CBFA2T3: variants seen among roughly 807,000 people sequenced by gnomAD.
The protein encoded by CBFA2T3 is CBFA2/RUNX1 partner transcriptional co-repressor 3.
A neutral mutation model predicts 58.6 loss-of-function variants in CBFA2T3; 31 were observed. The observed-to-expected ratio is 0.53, with a 90% CI of 0.40 to 0.71. The LOEUF (loss-of-function observed/expected upper bound fraction) is 0.71. Among genes scored for constraint, CBFA2T3 ranks in the 30% least tolerant of loss-of-function variants. The pLI, the probability that CBFA2T3 is intolerant of heterozygous loss-of-function variation, is 0.00. For missense variants in CBFA2T3, 1,076 were observed against 963.1 expected (o/e 1.12, Z -1.55); for synonymous variants, 531 against 421.9 (o/e 1.26, Z -3.17).
In CBFA2T3 at chr16:88,956,747, G is replaced by A. The variant is rs571104368; in HGVS notation, c.151+19910C>T. Among the ~76,000 whole-genome samples, 4 of 152,342 alleles carry A rather than the reference G, an allele frequency of 2.6e-5. No individual in the cohort carries two copies. The South Asian group carries it at 8.3e-4, about 32-fold the overall frequency. On this transcript the variant is annotated intron_variant, in intron 1 of 11. Transcript: ENST00000268679. The stretch of plus-strand genomic sequence containing the variant: ...AGGCGCTCCAGGCGTGGGCGGCGGG[G>A]GCTGGCATCTGCTCCTCGGCTGCTT...
Position 88,875,107 on chromosome 16 carries a change from GCCA to G in CBFA2T3, c.*1866_*1868del, listed in dbSNP as rs1038208703. The G allele has an allele frequency of 1.3e-5, 3 of 235,602 alleles. No homozygotes were observed. Among genetic ancestry groups the G allele is most frequent in the African/African-American group, 6.7e-5 (3 of 44,860 alleles). 14.6% of individuals were successfully genotyped at this position (235,602 alleles called of 1,614,324 possible). A position where few individuals can be genotyped will look rare whatever the true frequency, so the allele number is the denominator to read the frequency against. On this transcript the variant is annotated 3_prime_UTR_variant, in exon 12 of 12. Transcript: ENST00000268679. The stretch of plus-strand genomic sequence containing the variant: ...CACGCGCACAGATGCCAGGCCACGG[GCCA>G]CGCCACACACACAGATGCCAGGCCA...
At position 88,886,023 on chromosome 16, in the gene CBFA2T3, G is replaced by A; in HGVS notation, c.831C>T (p.Pro277=). The A allele has an allele frequency of 5.1e-6, 8 of 1,568,170 alleles. No individual in the cohort carries two copies. The highest frequency in any genetic ancestry group is 1.2e-5 in the South Asian group (1 of 85,540). ...CCAGTAGCAGCTCTGAGGAGTCGATGGGGGAGGAGGCGCTGGCGTCCAGCA... is the reference window on the plus strand; with the variant it reads ...CCAGTAGCAGCTCTGAGGAGTCGATAGGGGAGGAGGCGCTGGCGTCCAGCA... ...QLLLDASASS[P]IDSSELLLEV... Residue 277 remains proline, a synonymous_variant, in exon 6 of 12, where the codon CCC becomes CCT. Transcript: ENST00000268679.
chr16:88,954,345 C>G (rs142627955), intron 1 of CBFA2T3, among the ~76,000 whole-genome samples: 1 of 146,126 alleles, frequency 6.8e-6, no homozygotes, highest in Non-Finnish European at 1.5e-5. Flanking sequence ...TGACCCCAGC[C>G]AAGGCTCCTG....
At position 88,881,387 on chromosome 16, in the gene CBFA2T3, G is replaced by T; in HGVS notation, c.1306C>A (p.Arg436=). 6.3e-7 allele frequency: 1 copy of T among 1,599,210 alleles called. No homozygotes were observed. The highest frequency in any genetic ancestry group is 8.5e-7 in the Non-Finnish European group (1 of 1,174,582). Residue 436 remains arginine (R), a synonymous_variant, in exon 9 of 12, where the codon CGG becomes AGG. Coordinates refer to ENST00000268679, the MANE Select transcript of CBFA2T3 (RefSeq NM_005187.6). Reference sequence around the variant, plus strand: ...GTGTCCTCGGCGTCGCTGTAGCGCCGCGCCCAGTGGTTGAGCTCCTCGCGG... The same window carrying T: ...GTGTCCTCGGCGTCGCTGTAGCGCCTCGCCCAGTGGTTGAGCTCCTCGCGG... ...ADREELNHWA[R]RYSDAEDTKK... is the part of the protein sequence containing the mutation.
In CBFA2T3 at chr16:88,881,074, G is replaced by A. The variant is rs1257292163; in HGVS notation, c.1402+217C>T. On this transcript the variant is annotated intron_variant, in intron 9 of 11. Transcript: ENST00000268679. The stretch of plus-strand genomic sequence containing the variant: ...AGGCGGAGAAGCAGAGACCCTCAGG[G>A]CCTCCCAGCTCCGAGCCTCTGGCCC... The A allele has an allele frequency of 2.7e-5, 19 of 710,222 alleles. 1 individual carries two copies. In the Admixed American group the frequency reaches 3.8e-4, roughly 14 times the overall value. The allele number at this position is 710,222 out of a possible 1,614,324, so 44.0% of individuals were successfully genotyped here. A position where few individuals can be genotyped will look rare whatever the true frequency, so the allele number is the denominator to read the frequency against.
intron 8 of CBFA2T3, 80 bp downstream of exon 8, chr16:88,882,572 GTGGGCGTGGCTGTGTGTGCATGGC>G (rs1969157924): frequency 9.8e-6 from 4 of 407,980 alleles, no homozygotes; most frequent in Non-Finnish European, 1.7e-5. Flanking sequence ...GGGCATGGCT[GTGGGCGTGGCTGTGTGTGCATGGC>G]TGTGTGTGCG....
intron 1 of CBFA2T3, among the ~76,000 whole-genome samples, chr16:88,920,443 AT>A (rs368094716): frequency 0.021 from 2,974 of 138,842 alleles, 63 homozygotes; most frequent in African/African-American, 0.061. Flanking sequence ...TACCCGGCCA[AT>A]TTTTTTTTTT....
At position 88,949,981 on chromosome 16, in the gene CBFA2T3, C is replaced by T. The variant is rs998441100; in HGVS notation, c.151+26676G>A. On this transcript the variant is annotated intron_variant, in intron 1 of 11. Transcript: ENST00000268679. Reference sequence around the variant, plus strand: ...CCAAAATGGTGCCACTGCACTCCAGCGTGGGTGACAGAGATTCTGTCTGAA... The same window carrying T: ...CCAAAATGGTGCCACTGCACTCCAGTGTGGGTGACAGAGATTCTGTCTGAA... Among the ~76,000 whole-genome samples the T allele has an allele frequency of 2.0e-5, 3 of 151,816 alleles. No homozygotes were observed. In the South Asian group the frequency reaches 6.2e-4, roughly 32 times the overall value.
rs1969955504 is a variant in CBFA2T3, at chr16:88,898,082, A to G, written c.375T>C (p.Cys125=). ...GGTTTTTGTTATTTTACTTACAGAG[A>G]CAGACCATAGACCATTTTAAGCAGC... ...FHGCLKWSMV[C]LLMNGSSHSP... Residue 125 remains cysteine, a synonymous_variant, in exon 3 of 12, where the codon TGT becomes TGC. Coordinates refer to ENST00000268679, the MANE Select transcript of CBFA2T3 (RefSeq NM_005187.6). 2 of 1,611,898 alleles carry G rather than the reference A, an allele frequency of 1.2e-6. No individual in the cohort carries two copies. The highest frequency in any genetic ancestry group is 8.5e-7 in the Non-Finnish European group (1 of 1,178,496).
rs866491741 is a variant in CBFA2T3, at chr16:88,958,104, G to A, written c.151+18553C>T. ...AGAGAGGCCACGGAACTTTGTCAGC[G>A]CACCAGGGCAGTAGCGGGATGGGTG... is the stretch of plus-strand genomic sequence containing the variant. On this transcript the variant is annotated intron_variant, in intron 1 of 11. Transcript: ENST00000268679. The surrounding 1 kb of genome is among the most constrained non-coding windows in gnomAD (Gnocchi z 4.0). 6.6e-6 allele frequency among the ~76,000 whole-genome samples: 1 copy of A among 152,194 alleles called. No homozygotes were observed. Among genetic ancestry groups the A allele is most frequent in the African/African-American group, 2.4e-5 (1 of 41,448 alleles).
At position 88,913,882 on chromosome 16, in the gene CBFA2T3, C is replaced by G. The variant is rs149788291; in HGVS notation, c.152-12226G>C. 1.2e-3 allele frequency among the ~76,000 whole-genome samples: 177 copies of G among 152,312 alleles called. 1 individual carries two copies. Among genetic ancestry groups the G allele is most frequent in the African/African-American group, 4.1e-3 (171 of 41,564 alleles). ...ATTTTGGAAAGCTGTTTGTTGGTATCTGCTGACTGGAACAGTCACAGCTGC... is the reference window on the plus strand; with the variant it reads ...ATTTTGGAAAGCTGTTTGTTGGTATGTGCTGACTGGAACAGTCACAGCTGC... On this transcript the variant is annotated intron_variant, in intron 1 of 11. Coordinates refer to ENST00000268679, the MANE Select transcript of CBFA2T3 (RefSeq NM_005187.6).
At chr16:88,879,140 TG>T in intron 11 of CBFA2T3, 129 bp downstream of exon 11, 1 of 763,346 alleles carries the variant, frequency 1.3e-6, no homozygotes, top group Non-Finnish European at 2.2e-6. Context: ...GGGGATGGCG[TG>T]CCTGCTGCAG....
At chr16:88,946,687 T>G (rs575405948) in intron 1 of CBFA2T3, among the ~76,000 whole-genome samples, 1 of 152,270 alleles carries the variant, frequency 6.6e-6, no homozygotes, top group Non-Finnish European at 1.5e-5. Context: ...TTCACCATGT[T>G]GGCCAGGCTG....
At chr16:88,898,241 C>A in intron 2 of CBFA2T3, 89 bp from the exon 3 acceptor site, 1 of 993,804 alleles carries the variant, frequency 1.0e-6, no homozygotes, top group Non-Finnish European at 1.6e-6. Flanking sequence ...CCTTTTCCTA[C>A]TTCTCAGAGT....
chr16:88,885,845 G>C lies in CBFA2T3; in HGVS notation c.893+116C>G. On this transcript the variant is annotated intron_variant, in intron 6 of 11. Coordinates refer to ENST00000268679, the MANE Select transcript of CBFA2T3 (RefSeq NM_005187.6). The surrounding 1 kb of genome is among the most constrained non-coding windows in gnomAD (Gnocchi z 5.3). ...CTCGCCACGCTCCCTCAGCCCGAGA[G>C]AGCCGGCCGGGCTGGCTGCAGCCCC... The C allele has an allele frequency of 1.1e-6, 1 of 928,868 alleles. No homozygotes were observed. The highest frequency in any genetic ancestry group is 1.6e-6 in the Non-Finnish European group (1 of 622,126). The allele number at this position is 928,868 out of a possible 1,614,324, so 57.5% of individuals were successfully genotyped here. A position where few individuals can be genotyped will look rare whatever the true frequency, so the allele number is the denominator to read the frequency against.
At chr16:88,941,622 C>A (rs1469803146) in intron 1 of CBFA2T3, 3 of 145,656 alleles carry the variant, frequency 2.1e-5, no homozygotes, top group Non-Finnish European at 3.0e-5. Context: ...GACGGGCGCG[C>A]CGCCTCCTGC....
intron 2 of CBFA2T3, 24 bp from the exon 3 acceptor site, chr16:88,898,176 C>A: frequency 6.3e-7 from 1 of 1,588,388 alleles, no homozygotes; most frequent in South Asian, 1.1e-5. Flanking sequence ...AAGAAGAACA[C>A]GCTGTCAGGA....
chr16:88,957,226 G>A (rs930812013), intron 1 of CBFA2T3, among the ~76,000 whole-genome samples: 4 of 152,160 alleles, frequency 2.6e-5, no homozygotes, highest in African/African-American at 7.2e-5. Flanking sequence ...AAATGCTGCC[G>A]GTGGTTCTAA....
intron 1 of CBFA2T3, among the ~76,000 whole-genome samples, chr16:88,952,740 C>G (rs1972109964): frequency 6.6e-6 from 1 of 152,188 alleles, no homozygotes; most frequent in Non-Finnish European, 1.5e-5. Flanking sequence ...CTTCCTGAGT[C>G]TGGGAGAGAC....
Sources: gnomAD v4.1 joint callset for allele counts (sites outside exome capture counted in the v4.1 genomes callset) on GRCh38, gnomAD v4.1.1 for gene constraint, Gnocchi (gnomAD v3.1) non-coding constraint, MANE v1.5 for transcripts, NCBI Gene and HGNC (gene_info 2026-07-23, HGNC 2026-07-21) for gene names.